CTSH: variants seen among roughly 807,000 people sequenced by gnomAD.
CTSH encodes the protein cathepsin H.
A neutral mutation model predicts 56.3 loss-of-function variants in CTSH; 52 were observed. That is an observed-to-expected ratio of 0.92 (90% CI 0.74 to 1.16). The LOEUF (loss-of-function observed/expected upper bound fraction) is 1.16. CTSH is among the 50% of genes most tolerant of loss of function. The pLI is 0.00. For synonymous variants in CTSH, 174 were observed against 155.7 expected, an observed-to-expected ratio of 1.12 and a Z score of -0.88; for missense variants, 406 against 424.5, an observed-to-expected ratio of 0.96 and a Z score of 0.38.
At chr15:78,928,909 C>T (rs888555921) in intron 8 of CTSH, among the ~76,000 whole-genome samples, 6 of 151,612 alleles carry the variant, frequency 4.0e-5, no homozygotes, top group African/African-American at 1.2e-4. Context: ...CTCATCACCA[C>T]GAGGGGAAAT....
chr15:78,940,537 CA>C (rs10555725), intron 1 of CTSH, among the ~76,000 whole-genome samples: 29,832 of 137,808 alleles, frequency 0.22, 3,887 homozygotes, highest in African/African-American at 0.4. Context: ...GACCTTGTCT[CA>C]AAAAAAAAAA....
intron 1 of CTSH, among the ~76,000 whole-genome samples, chr15:78,943,236 AAGTAC>A (rs1446005610): frequency 6.6e-6 from 1 of 151,516 alleles, no homozygotes; most frequent in Non-Finnish European, 1.5e-5. Context: ...GGTTTCAGGA[AAGTAC>A]AGTATTCCCC....
At chr15:78,924,015 GC>G (rs1430443163) in intron 10 of CTSH, among the ~76,000 whole-genome samples, 1 of 150,388 alleles carries the variant, frequency 6.6e-6, no homozygotes, top group Non-Finnish European at 1.5e-5. Flanking sequence ...TGGCAAAGAG[GC>G]TGCTTCTCTA....
intron 1 of CTSH, among the ~76,000 whole-genome samples, 164 bp from the exon 2 acceptor site, chr15:78,939,335 T>G (rs1485055611): frequency 6.6e-6 from 1 of 152,226 alleles, no homozygotes; most frequent in African/African-American, 2.4e-5. Flanking sequence ...AAACTCCGAC[T>G]CTTCCTGGTT....
rs2054765554 is a variant in CTSH at position 78,921,278 on chromosome 15, A to G, written c.*852T>C. 1 of 152,204 alleles carries G rather than the reference A, an allele frequency of 6.6e-6. No homozygotes were observed. Among genetic ancestry groups the G allele is most frequent in the African/African-American group, 2.4e-5 (1 of 41,430 alleles). 9.4% of individuals were successfully genotyped at this position (152,204 alleles called of 1,614,324 possible). On this transcript the variant is annotated 3_prime_UTR_variant, in exon 12 of 12. Coordinates refer to ENST00000220166, the MANE Select transcript of CTSH (RefSeq NM_004390.5). Reference sequence around the variant, plus strand: ...CCGGAGGCTTCAGGAAGCAGCAGCAACTTCATGGCCGCCCTCTAAACAGAG... The same window carrying G: ...CCGGAGGCTTCAGGAAGCAGCAGCAGCTTCATGGCCGCCCTCTAAACAGAG...
chr15:78,942,701 G>A (rs562823361), intron 1 of CTSH, among the ~76,000 whole-genome samples: 1 of 152,158 alleles, frequency 6.6e-6, no homozygotes, highest in Non-Finnish European at 1.5e-5. Context: ...AGAGGAAAGA[G>A]GTTCCCCCTT....
intron 10 of CTSH, among the ~76,000 whole-genome samples, chr15:78,923,922 T>C (rs1157462333): frequency 6.6e-6 from 1 of 152,132 alleles, no homozygotes; most frequent in African/African-American, 2.4e-5. Context: ...AAGTGGGCCA[T>C]AGGCTCGCGC....
intron 2 of CTSH, among the ~76,000 whole-genome samples, chr15:78,938,877 A>G (rs1818494990): frequency 6.6e-6 from 1 of 152,184 alleles, no homozygotes. Flanking sequence ...CATTCTCCAC[A>G]ATGTGCTTTG....
chr15:78,935,860 C>T, intron 3 of CTSH, 110 bp from the exon 4 acceptor site: 1 of 712,698 alleles, frequency 1.4e-6, no homozygotes, highest in Non-Finnish European at 2.4e-6. Context: ...TTTAGAACCA[C>T]TGCAACCCAT....
rs1304163437 is a variant in CTSH, at chr15:78,944,933, C to G, written c.49G>C (p.Val17Leu). 20 of 1,548,578 alleles carry G rather than the reference C, an allele frequency of 1.3e-5. No homozygotes were observed. The highest frequency in any genetic ancestry group is 1.7e-5 in the Non-Finnish European group (19 of 1,146,250). ...LLCAGAWLLG[V>L]PVCGAAELCV... ...AGTTCGGCGGCACCGCAGACGGGGA[C>G]TCCCAGGAGCCAGGCCCCGGCGCAG... The change falls in exon 1 of 12, where the codon GTC (valine) becomes CTC (leucine). Residue 17 changes from valine (V) to leucine (L), a missense_variant. By Grantham distance (32) the Val-to-Leu change is conservative (BLOSUM62 1). Coordinates refer to ENST00000220166, the MANE Select transcript of CTSH (RefSeq NM_004390.5).
chr15:78,932,458 C>T lies in CTSH; in HGVS notation c.406G>A (p.Gly136Ser). The change falls in exon 6 of 12, where the codon GGT (glycine) becomes AGT (serine). Residue 136 changes from glycine to serine, a missense_variant and splice_region_variant. Transcript: ENST00000220166. ...AAAGTCCAGCAACTGCCGCAGGCAC[C>T]CTGGAAAGGCCAGGGGAGAGCAGAG... ...GNFVSPVKNQ[G>S]ACGSCWTFST... 2 of 1,613,400 alleles carry T rather than the reference C, an allele frequency of 1.2e-6. No individual in the cohort carries two copies. The highest frequency in any genetic ancestry group is 1.7e-6 in the Non-Finnish European group (2 of 1,179,494).
chr15:78,940,159 A>G (rs551790296), intron 1 of CTSH, among the ~76,000 whole-genome samples: 1 of 143,494 alleles, frequency 7.0e-6, no homozygotes, highest in East Asian at 1.9e-4. Flanking sequence ...ACAAGACAAA[A>G]TATTTTACAA....
chr15:78,936,318 A>G (rs2055176242), intron 3 of CTSH, among the ~76,000 whole-genome samples: 1 of 151,274 alleles, frequency 6.6e-6, no homozygotes. Context: ...AGTAGCTGAG[A>G]CTACAGGCAC....
rs2289702 is a variant in CTSH at position 78,944,951 on chromosome 15, C to T, written c.31G>A (p.Gly11Arg). Reference protein sequence around the residue: MWATLPLLCAGAWLLGVPVCG... With the variant: MWATLPLLCARAWLLGVPVCG... ...ACGGGGACTCCCAGGAGCCAGGCCC[C>T]GGCGCAGAGCAGCGGCAGCGTGGCC... The change falls in exon 1 of 12, where the codon GGG (glycine) becomes AGG (arginine). Residue 11 changes from glycine (G) to arginine (R), a missense_variant. By Grantham distance (125) the Gly-to-Arg change is moderately radical (BLOSUM62 -2). Transcript: ENST00000220166. The T allele has an allele frequency of 0.099, 152,952 of 1,546,582 alleles. 8,154 individuals are homozygous for T. The highest frequency in any genetic ancestry group is 0.13 in the South Asian group (10,854 of 83,688).
intron 7 of CTSH, among the ~76,000 whole-genome samples, chr15:78,931,003 G>T (rs1407200073): frequency 6.6e-6 from 1 of 152,214 alleles, no homozygotes; most frequent in Non-Finnish European, 1.5e-5. Flanking sequence ...GCAAGGTACA[G>T]CCCTTACACA....
chr15:78,929,348 GGGGA>G lies in CTSH; in HGVS notation c.630+60_630+63del, dbSNP rs527665872. On this transcript the variant is annotated intron_variant, in intron 8 of 11. Coordinates refer to ENST00000220166, the MANE Select transcript of CTSH (RefSeq NM_004390.5). ...GGGAGAAGGGATGTCTTCCAAGGCT[GGGGA>G]GGGAGTGAAGCTAGGCATGCTGTAC... 4.4e-4 allele frequency: 555 copies of G among 1,250,666 alleles called. 3 individuals carry two copies. In the African/African-American group the frequency reaches 7.7e-3, roughly 17 times the overall value. The allele number at this position is 1,250,666 out of a possible 1,614,324, so 77.5% of individuals were successfully genotyped here. A position where few individuals can be genotyped will look rare whatever the true frequency, so the allele number is the denominator to read the frequency against.
At chr15:78,937,184 A>G (rs921101127) in intron 3 of CTSH, 134 bp downstream of exon 3, 4 of 687,544 alleles carry the variant, frequency 5.8e-6, no homozygotes, top group African/African-American at 3.6e-5. Context: ...CGGAGCCACA[A>G]TCTGAGGTCA....
At chr15:78,931,952 T>G (rs1405757238) in intron 6 of CTSH, 2 of 1,164,592 alleles carry the variant, frequency 1.7e-6, no homozygotes, top group Non-Finnish European at 2.1e-6. Context: ...GGGGCTAGGA[T>G]AGTTCCTTCA....
intron 11 of CTSH, among the ~76,000 whole-genome samples, chr15:78,922,456 C>A (rs553797873): frequency 1.3e-5 from 2 of 152,302 alleles, no homozygotes; most frequent in African/African-American, 4.8e-5. Flanking sequence ...TTACCGAGGG[C>A]CCCCTCTTAG....
Sources: gnomAD v4.1 joint callset for allele counts (sites outside exome capture counted in the v4.1 genomes callset) on GRCh38, gnomAD v4.1.1 for gene constraint, MANE v1.5 for transcripts, NCBI Gene and HGNC (gene_info 2026-07-23, HGNC 2026-07-21) for gene names.